AVEN: variants seen among roughly 807,000 people sequenced by gnomAD.
AVEN encodes apoptosis and caspase activation inhibitor, also known as cell death regulator Aven.
Under a neutral mutation model 38.1 loss-of-function variants are expected in AVEN, and 41 were observed. The ratio of observed to expected loss-of-function variants is 1.08; its 90% CI spans 0.84 to 1.40. The LOEUF (loss-of-function observed/expected upper bound fraction) is 1.40, where lower values mean the gene tolerates loss of function less well. Among genes scored for constraint, AVEN ranks in the 40% most tolerant of loss-of-function variants. AVEN has a pLI of 0.00. For missense variants in AVEN, 605 were observed against 438.8 expected, an observed-to-expected ratio of 1.38 and a Z score of -3.38; for synonymous variants, 206 against 171.8, an observed-to-expected ratio of 1.20 and a Z score of -1.56.
chr15:33,880,257 G>C (rs1891430827), intron 2 of AVEN, among the ~76,000 whole-genome samples: 1 of 152,188 alleles, frequency 6.6e-6, no homozygotes, highest in Non-Finnish European at 1.5e-5. Context: ...GGACTTGGAT[G>C]AAATTCCTGG....
intron 2 of AVEN, among the ~76,000 whole-genome samples, chr15:33,887,550 T>C (rs369811667): frequency 3.3e-5 from 5 of 152,194 alleles, no homozygotes; most frequent in East Asian, 1.9e-4. Context: ...TTTTCATACA[T>C]TTTAGCACAA....
At chr15:34,006,047 C>T (rs1597340078) in intron 1 of AVEN, among the ~76,000 whole-genome samples, 1 of 152,310 alleles carries the variant, frequency 6.6e-6, no homozygotes, top group East Asian at 1.9e-4. Context: ...CACGGTGGCT[C>T]ACACCTGTAA....
chr15:33,968,511 C>T lies in AVEN; in HGVS notation c.445+34521G>A, dbSNP rs145316966. Among the ~76,000 whole-genome samples the T allele has an allele frequency of 8.5e-5, 13 of 152,218 alleles. No homozygotes were observed. The East Asian group carries it at 2.5e-3, about 29-fold the overall frequency. ...ATCAGCTCTTCATTCATGCCAAGTACGCTCACCGTCCAGAGACATGATAAA... is the reference window on the plus strand; with the variant it reads ...ATCAGCTCTTCATTCATGCCAAGTATGCTCACCGTCCAGAGACATGATAAA... On this transcript the variant is annotated intron_variant, in intron 2 of 5. Transcript: ENST00000306730.
intron 1 of AVEN, among the ~76,000 whole-genome samples, chr15:34,036,384 T>A (rs1307935216): frequency 6.6e-6 from 1 of 152,184 alleles, no homozygotes. Context: ...ACAAAATTGG[T>A]TTCTGAAGGT....
chr15:33,986,542 C>G (rs1008548560), intron 2 of AVEN, among the ~76,000 whole-genome samples: 5 of 152,110 alleles, frequency 3.3e-5, no homozygotes, highest in African/African-American at 1.2e-4. Flanking sequence ...AGCAAGCTTT[C>G]TGAAACTTAA....
intron 1 of AVEN, among the ~76,000 whole-genome samples, chr15:34,003,882 C>T (rs1897231984): frequency 6.6e-6 from 1 of 152,136 alleles, no homozygotes; most frequent in Non-Finnish European, 1.5e-5. Flanking sequence ...CAGAACCATC[C>T]AGATAGGTGA....
At chr15:33,854,780 T>C (rs2079473988), downstream of AVEN, 1 of 1,609,474 alleles carries the variant, frequency 6.2e-7, no homozygotes. Flanking sequence ...TTCTCTACCT[T>C]GCCTGGTATA....
intron 2 of AVEN, among the ~76,000 whole-genome samples, chr15:34,002,150 C>T (rs1037259010): frequency 6.6e-6 from 1 of 152,066 alleles, no homozygotes; most frequent in African/African-American, 2.4e-5. Context: ...ATACAATCTG[C>T]CAATCTTATT....
chr15:33,989,531 C>A (rs1370813728), intron 2 of AVEN, among the ~76,000 whole-genome samples: 7 of 151,888 alleles, frequency 4.6e-5, no homozygotes, highest in Non-Finnish European at 7.4e-5. Context: ...TTCTATTCCA[C>A]CACCTAAACA....
intron 2 of AVEN, among the ~76,000 whole-genome samples, chr15:33,952,923 T>C (rs1424387537): frequency 6.6e-6 from 1 of 151,412 alleles, no homozygotes; most frequent in Non-Finnish European, 1.5e-5. Context: ...ACATTTATAT[T>C]AGAAAATAAG....
intron 2 of AVEN, among the ~76,000 whole-genome samples, chr15:33,926,986 A>T (rs1017995263): frequency 5.3e-5 from 8 of 152,076 alleles, no homozygotes; most frequent in African/African-American, 1.7e-4. Context: ...TTAAAAAGAA[A>T]ATAATAGCCT....
At chr15:34,038,662 G>GCGCCGC in intron 1 of AVEN, 118 bp downstream of exon 1, 1 of 990,870 alleles carries the variant, frequency 1.0e-6, no homozygotes, top group Non-Finnish European at 1.2e-6. Flanking sequence ...GCAGGCGCCG[G>GCGCCGC]CGCCGCCGCC....
rs140056804 is a variant in AVEN at position 33,894,146 on chromosome 15, C to T, written c.446-18151G>A. Among the ~76,000 whole-genome samples the T allele has an allele frequency of 3.8e-3, 585 of 151,988 alleles. 2 individuals carry two copies. Among genetic ancestry groups the T allele is most frequent in the African/African-American group, 0.013 (556 of 41,466 alleles). On this transcript the variant is annotated intron_variant, in intron 2 of 5. Coordinates refer to ENST00000306730, the MANE Select transcript of AVEN (RefSeq NM_020371.3). ...TGTATTTTTAGTAGAGATGGGGTTT[C>T]GCTATGTTGGCCAGGCTGATCTCAA... is the stretch of plus-strand genomic sequence containing the variant.
At position 33,892,878 on chromosome 15, in the gene AVEN, T is replaced by C. The variant is rs1230789982; in HGVS notation, c.446-16883A>G. Among the ~76,000 whole-genome samples the C allele has an allele frequency of 2.0e-5, 3 of 152,320 alleles. No individual in the cohort carries two copies. The South Asian group carries it at 6.2e-4, about 32-fold the overall frequency. On this transcript the variant is annotated intron_variant, in intron 2 of 5. Transcript: ENST00000306730. ...GGGCATGGAACGTTCCTCCATTTGT[T>C]TGTGTCCTCTTTTAGTTTGTTGAGC...
chr15:34,046,111 G>T (rs1186619729), intron 5 of AVEN, among the ~76,000 whole-genome samples: 3 of 152,138 alleles, frequency 2.0e-5, no homozygotes. Context: ...ATTTGCCTCT[G>T]CAACTTTCCT....
At chr15:34,012,078 T>C (rs1897661876) in intron 1 of AVEN, among the ~76,000 whole-genome samples, 1 of 152,218 alleles carries the variant, frequency 6.6e-6, no homozygotes, top group Non-Finnish European at 1.5e-5. Flanking sequence ...TGAAGCTTTT[T>C]AACAAGGTTT....
intron 5 of AVEN, among the ~76,000 whole-genome samples, chr15:34,056,379 C>G (rs911119569): frequency 6.6e-6 from 1 of 152,112 alleles, no homozygotes; most frequent in South Asian, 2.1e-4. Context: ...AATGCATTTC[C>G]CAAATGTGAT....
chr15:33,918,457 G>GTTT (rs1893246469), intron 2 of AVEN, among the ~76,000 whole-genome samples: 2 of 112,168 alleles, frequency 1.8e-5, no homozygotes, highest in African/African-American at 7.7e-5. Context: ...TTAAATTACA[G>GTTT]CTTTTTTTTT....
At chr15:33,897,142 A>T (rs1194477332) in intron 2 of AVEN, among the ~76,000 whole-genome samples, 1 of 152,192 alleles carries the variant, frequency 6.6e-6, no homozygotes, top group Non-Finnish European at 1.5e-5. Context: ...GTTGCCAGGA[A>T]AGGACTGGGA....
Sources: gnomAD v4.1 joint callset for allele counts (sites outside exome capture counted in the v4.1 genomes callset) on GRCh38, gnomAD v4.1.1 for gene constraint, MANE v1.5 for transcripts, NCBI Gene and HGNC (gene_info 2026-07-23, HGNC 2026-07-21) for gene names.